Variants in SHANK2 observed in about 807,000 individuals in gnomAD.
SHANK2 encodes the protein SH3 and multiple ankyrin repeat domains 2.
Under a neutral mutation model 133.7 loss-of-function variants are expected in SHANK2, and 43 were observed. The observed-to-expected ratio is 0.32, with a 90% CI of 0.25 to 0.41. SHANK2 has a LOEUF of 0.41. Ranked by LOEUF, SHANK2 falls within the 10% of genes least tolerant of loss-of-function variation. The pLI, the probability that SHANK2 is intolerant of heterozygous loss-of-function variation, is 1.00. For synonymous variants in SHANK2, 1,017 were observed against 952.8 expected (o/e 1.07, Z -1.24); for missense variants, 1,994 against 2,235.8 (o/e 0.89, Z 2.18).
At chr11:71,112,754 C>A (rs527913890) in intron 5 of SHANK2, among the ~76,000 whole-genome samples, 2 of 152,256 alleles carry the variant, frequency 1.3e-5, no homozygotes, top group East Asian at 3.9e-4. Context: ...ACTCGCACAG[C>A]ACCCTGAAAG....
intron 2 of SHANK2, among the ~76,000 whole-genome samples, chr11:71,172,621 GA>G (rs1953341803): frequency 6.7e-6 from 1 of 149,032 alleles, no homozygotes; most frequent in Non-Finnish European, 1.5e-5. Context: ...AAGAAAAAAA[GA>G]AAAAAGAAAA....
chr11:71,075,692 G>C (rs1951209537), intron 8 of SHANK2, among the ~76,000 whole-genome samples: 1 of 152,184 alleles, frequency 6.6e-6, no homozygotes, highest in African/African-American at 2.4e-5. Flanking sequence ...CCCTTCCAAG[G>C]GGGCAGCACA....
intron 5 of SHANK2, among the ~76,000 whole-genome samples, chr11:71,111,064 G>A (rs1210007598): frequency 1.3e-5 from 2 of 152,222 alleles, no homozygotes; most frequent in African/African-American, 4.8e-5. Flanking sequence ...CCGATGCCAC[G>A]ATCTCAGACT....
chr11:70,695,776 G>A (rs567553309), intron 15 of SHANK2, among the ~76,000 whole-genome samples: 1 of 152,378 alleles, frequency 6.6e-6, no homozygotes, highest in South Asian at 2.1e-4. Flanking sequence ...TCCATGCAGG[G>A]TGGGTGGCGC....
chr11:70,815,219 C>CAT (rs1948366820), intron 12 of SHANK2, among the ~76,000 whole-genome samples: 1 of 119,324 alleles, frequency 8.4e-6, no homozygotes, highest in Non-Finnish European at 1.7e-5. Flanking sequence ...CACACACACA[C>CAT]ACACACACAC....
At chr11:70,944,796 C>T (rs1950700219) in intron 10 of SHANK2, among the ~76,000 whole-genome samples, 1 of 152,184 alleles carries the variant, frequency 6.6e-6, no homozygotes. Context: ...GCTGAACCTA[C>T]AAGATGACTC....
intron 17 of SHANK2, among the ~76,000 whole-genome samples, chr11:70,532,462 C>A (rs1352380723): frequency 6.6e-6 from 1 of 152,144 alleles, no homozygotes; most frequent in Non-Finnish European, 1.5e-5. Flanking sequence ...GCAAACGCCT[C>A]AAGTCTATGG....
At chr11:71,243,107 A>C (rs1182284917) in intron 1 of SHANK2, among the ~76,000 whole-genome samples, 1 of 152,240 alleles carries the variant, frequency 6.6e-6, no homozygotes, top group African/African-American at 2.4e-5. Flanking sequence ...CTATGTTAAA[A>C]AGAAGAAAAA....
intron 17 of SHANK2, among the ~76,000 whole-genome samples, chr11:70,584,263 A>G (rs2136235828): frequency 6.6e-6 from 1 of 152,222 alleles, no homozygotes; most frequent in Admixed American, 6.5e-5. Flanking sequence ...CGCTCGAATC[A>G]CATGCAGGGC....
chr11:70,518,629 A>G (rs888797852), intron 17 of SHANK2, among the ~76,000 whole-genome samples: 2 of 152,136 alleles, frequency 1.3e-5, no homozygotes, highest in South Asian at 4.1e-4. Flanking sequence ...CATTGCTTCT[A>G]TTAGTGGTGG....
intron 17 of SHANK2, among the ~76,000 whole-genome samples, chr11:70,574,599 C>T (rs1382727263): frequency 2.0e-5 from 3 of 152,212 alleles, no homozygotes. Context: ...GGGTGGCGTG[C>T]CCTGAAGGGT....
In SHANK2 at chr11:70,501,437, C is replaced by T. The variant is rs542322615; in HGVS notation, c.2287+486G>A. On this transcript the variant is annotated intron_variant, in intron 20 of 25. Transcript: ENST00000601538. The stretch of plus-strand genomic sequence containing the variant: ...GCTGGACTGGACCGTGGGCCTTGGG[C>T]GGGGGCTCGTTTCTGCGCCCATGTA... Among the ~76,000 whole-genome samples the T allele has an allele frequency of 2.0e-3, 312 of 152,338 alleles. 1 individual carries two copies. Among genetic ancestry groups the T allele is most frequent in the Non-Finnish European group, 1.5e-3 (99 of 68,010 alleles).
At chr11:71,219,383 T>G (rs1555120662) in intron 2 of SHANK2, among the ~76,000 whole-genome samples, 1 of 152,188 alleles carries the variant, frequency 6.6e-6, no homozygotes, top group Admixed American at 6.5e-5. Flanking sequence ...TGACCAGGGA[T>G]TAGCATCTAG....
At chr11:70,849,157 T>C (rs1474141148) in intron 11 of SHANK2, among the ~76,000 whole-genome samples, 1 of 152,110 alleles carries the variant, frequency 6.6e-6, no homozygotes, top group Non-Finnish European at 1.5e-5. Context: ...ACAAGATACA[T>C]ACACCCATAG....
intron 14 of SHANK2, among the ~76,000 whole-genome samples, chr11:70,737,422 C>T (rs550445875): frequency 1.6e-4 from 24 of 152,292 alleles, no homozygotes; most frequent in African/African-American, 5.5e-4. Flanking sequence ...GACACGCCAG[C>T]CCCCAGGTGG....
intron 17 of SHANK2, among the ~76,000 whole-genome samples, chr11:70,597,517 A>G (rs1291909584): frequency 1.3e-5 from 2 of 152,074 alleles, no homozygotes; most frequent in East Asian, 3.9e-4. Flanking sequence ...TAGAGAGGAT[A>G]AGAGATTTTT....
chr11:71,156,474 T>A (rs1330295457), intron 2 of SHANK2, among the ~76,000 whole-genome samples: 15 of 152,158 alleles, frequency 9.9e-5, no homozygotes, highest in Admixed American at 8.5e-4. Flanking sequence ...TTCAGCCAAA[T>A]CCTTCCCTTT....
intron 14 of SHANK2, among the ~76,000 whole-genome samples, chr11:70,719,474 G>A (rs1490723644): frequency 1.3e-5 from 2 of 152,168 alleles, no homozygotes; most frequent in African/African-American, 4.8e-5. Flanking sequence ...CTCATGGGTG[G>A]CCTGGCAGAT....
At position 70,664,709 on chromosome 11, in the gene SHANK2, G is replaced by A. The variant is rs1053677222; in HGVS notation, c.1854-3031C>T. On this transcript the variant is annotated intron_variant, in intron 15 of 25. Coordinates refer to ENST00000601538, the MANE Select transcript of SHANK2 (RefSeq NM_012309.5). Reference sequence around the variant, plus strand: ...ACTTCCTGCCAGCATACCCTGCGACGGGAACTTCTTAGGGCCAGGGGGGCT... The same window carrying A: ...ACTTCCTGCCAGCATACCCTGCGACAGGAACTTCTTAGGGCCAGGGGGGCT... 3.3e-5 allele frequency among the ~76,000 whole-genome samples: 5 copies of A among 152,184 alleles called. No individual in the cohort carries two copies. The South Asian group carries it at 6.2e-4, about 19-fold the overall frequency.
Sources: gnomAD v4.1 joint callset for allele counts (sites outside exome capture counted in the v4.1 genomes callset) on GRCh38, gnomAD v4.1.1 for gene constraint, MANE v1.5 for transcripts, NCBI Gene and HGNC (gene_info 2026-07-23, HGNC 2026-07-21) for gene names.